The following AGTPBP1 variants were observed in gnomAD, a reference collection of about 807,000 sequenced individuals.
The protein encoded by AGTPBP1 is ATP/GTP binding carboxypeptidase 1, also known as cytosolic carboxypeptidase 1.
Under a neutral mutation model 143.9 loss-of-function variants are expected in AGTPBP1, and 70 were observed. The ratio of observed to expected loss-of-function variants is 0.49; its 90% CI spans 0.40 to 0.59. The LOEUF (loss-of-function observed/expected upper bound fraction) is 0.59, where lower values mean the gene tolerates loss of function less well. Among genes scored for constraint, AGTPBP1 ranks in the 20% least tolerant of loss-of-function variants. The pLI is 0.00. For synonymous variants in AGTPBP1, 463 were observed against 500.2 expected, an observed-to-expected ratio of 0.93 and a Z score of 0.99; for missense variants, 1,229 against 1,464.5, an observed-to-expected ratio of 0.84 and a Z score of 2.62.
intron 17 of AGTPBP1, 131 bp from the exon 18 acceptor site, chr9:85,596,580 T>G (rs1461233537): frequency 3.4e-6 from 2 of 580,780 alleles, no homozygotes; most frequent in Non-Finnish European, 2.9e-6. Context: ...TTTTAGTATG[T>G]ATTTTAAAAA....
At chr9:85,647,596 C>T (rs777571540) in intron 11 of AGTPBP1, among the ~76,000 whole-genome samples, 3 of 152,116 alleles carry the variant, frequency 2.0e-5, no homozygotes, top group Non-Finnish European at 2.9e-5. Context: ...CTCCAAAATG[C>T]TATGGGAAAA....
At chr9:85,696,940 GTTTT>G (rs1002457304) in intron 2 of AGTPBP1, among the ~76,000 whole-genome samples, 4 of 152,094 alleles carry the variant, frequency 2.6e-5, no homozygotes, top group African/African-American at 9.7e-5. Flanking sequence ...AAATAATATG[GTTTT>G]ATTTCCAAAG....
At chr9:85,748,861 G>A in the AGTPBP1 span, among the ~76,000 whole-genome samples, 47 of 152,088 alleles carry the variant, frequency 3.1e-4, no homozygotes, top group Non-Finnish European at 5.7e-4. Flanking sequence ...TATAGGCCAT[G>A]GCTTAAACCA....
chr9:85,673,643 GGA>G (rs1834632044), intron 6 of AGTPBP1, among the ~76,000 whole-genome samples: 1 of 152,124 alleles, frequency 6.6e-6, no homozygotes, highest in South Asian at 2.1e-4. Flanking sequence ...AGTAGACATT[GGA>G]GATACAAAAA....
the AGTPBP1 span, among the ~76,000 whole-genome samples, chr9:85,789,407 G>A: frequency 1.3e-5 from 2 of 152,064 alleles, no homozygotes; most frequent in Non-Finnish European, 2.9e-5. Flanking sequence ...CCTTTTGCAT[G>A]TATATAAAAT....
intron 25 of AGTPBP1, among the ~76,000 whole-genome samples, chr9:85,572,302 G>A (rs1352118165): frequency 6.6e-6 from 1 of 151,876 alleles, no homozygotes. Flanking sequence ...CAAAGTGCTG[G>A]GATTACAGGT....
chr9:85,796,873 G>A, the AGTPBP1 span, among the ~76,000 whole-genome samples: 4 of 152,156 alleles, frequency 2.6e-5, no homozygotes, highest in South Asian at 6.2e-4. Context: ...TGCAACTTCC[G>A]CCTCCCTGGT....
intron 12 of AGTPBP1, among the ~76,000 whole-genome samples, chr9:85,645,468 G>A (rs77123340): frequency 9.3e-4 from 141 of 152,182 alleles, no homozygotes; most frequent in African/African-American, 3.3e-3. Context: ...TGACAGTTTC[G>A]CCAAAGCTTA....
intron 1 of AGTPBP1, among the ~76,000 whole-genome samples, chr9:85,740,585 C>T (rs961724373): frequency 6.6e-6 from 1 of 152,174 alleles, no homozygotes; most frequent in Admixed American, 6.5e-5. Flanking sequence ...AAACATTCCA[C>T]AATACAATTA....
chr9:85,771,982 G>C, the AGTPBP1 span, among the ~76,000 whole-genome samples: 4 of 134,490 alleles, frequency 3.0e-5, no homozygotes, highest in African/African-American at 1.2e-4. Context: ...TCTTTATGCT[G>C]TTCTTTTTTT....
chr9:85,697,445 G>GTTTTTTATTTTTTTTTTTT (rs1836325122), intron 2 of AGTPBP1, among the ~76,000 whole-genome samples: 1 of 65,072 alleles, frequency 1.5e-5, no homozygotes, highest in Non-Finnish European at 2.7e-5. Context: ...TTTGTTTTTT[G>GTTTTTTATTTTTTTTTTTT]TTTTTTTTTT....
the AGTPBP1 span, among the ~76,000 whole-genome samples, chr9:85,758,855 CAGT>C: frequency 1.3e-5 from 2 of 151,904 alleles, no homozygotes; most frequent in Non-Finnish European, 2.9e-5. Flanking sequence ...TTCTCAACAC[CAGT>C]AATGTGAGAC....
At chr9:85,728,076 C>CACAT (rs1187459225) in intron 1 of AGTPBP1, among the ~76,000 whole-genome samples, 2,616 of 144,178 alleles carry the variant, frequency 0.018, 36 homozygotes, top group Middle Eastern at 0.025. Context: ...CACACACACA[C>CACAT]ATATTTACTT....
At chr9:85,638,981 G>A (rs947813421) in intron 13 of AGTPBP1, among the ~76,000 whole-genome samples, 1 of 152,018 alleles carries the variant, frequency 6.6e-6, no homozygotes, top group African/African-American at 2.4e-5. Context: ...TAGGCAAATA[G>A]ACAACTGTGA....
intron 17 of AGTPBP1, among the ~76,000 whole-genome samples, chr9:85,605,407 A>G (rs1829930885): frequency 6.6e-6 from 1 of 152,162 alleles, no homozygotes; most frequent in South Asian, 2.1e-4. Context: ...ATATCCTTCA[A>G]ACATGAAGGA....
intron 24 of AGTPBP1, 116 bp downstream of exon 24, chr9:85,578,804 T>A (rs1179453939): frequency 1.9e-6 from 2 of 1,045,758 alleles, no homozygotes; most frequent in African/African-American, 3.3e-5. Context: ...TTATTACATA[T>A]TACATGTAAC....
the AGTPBP1 span, among the ~76,000 whole-genome samples, chr9:85,767,180 CTT>C: frequency 5.4e-3 from 628 of 116,380 alleles, 2 homozygotes; most frequent in African/African-American, 0.022. Flanking sequence ...TGAGAACATA[CTT>C]TTTTTTTTTT....
At chr9:85,646,934 C>T (rs895436065) in intron 11 of AGTPBP1, among the ~76,000 whole-genome samples, 1 of 150,968 alleles carries the variant, frequency 6.6e-6, no homozygotes, top group African/African-American at 2.4e-5. Flanking sequence ...AGCTGGTGTG[C>T]TTAAAAAAAA....
At chr9:85,563,270 G>A (rs913833691) in intron 25 of AGTPBP1, among the ~76,000 whole-genome samples, 1 of 152,148 alleles carries the variant, frequency 6.6e-6, no homozygotes, top group Admixed American at 6.5e-5. Flanking sequence ...GAGTATGGAG[G>A]TGCTTGCTAC....
Sources: allele counts gnomAD v4.1 joint callset (sites outside exome capture counted in the v4.1 genomes callset), GRCh38; gene constraint gnomAD v4.1.1; transcripts MANE v1.5; gene names NCBI Gene and HGNC (gene_info 2026-07-23, HGNC 2026-07-21).